PCDHGB1: variants seen among roughly 807,000 people sequenced by gnomAD.
PCDHGB1 encodes protocadherin gamma-B1.
PCDHGB1 carries 34 observed loss-of-function variants against 56.6 expected under a neutral mutation model. The ratio of observed to expected loss-of-function variants is 0.60; its 90% CI spans 0.46 to 0.80. PCDHGB1 has a LOEUF of 0.80. Ranked by LOEUF, PCDHGB1 falls within the 30% of genes least tolerant of loss-of-function variation. The probability of loss-of-function intolerance (pLI) is 0.00; values close to 1 mark genes in which losing one functional copy is unlikely to be tolerated. For synonymous variants in PCDHGB1, 561 were observed against 505.9 expected, an observed-to-expected ratio of 1.11 and a Z score of -1.46; for missense variants, 1,278 against 1,204.6, an observed-to-expected ratio of 1.06 and a Z score of -0.90.
intron 1 of PCDHGB1, chr5:141,366,694 C>T: frequency 1.2e-6 from 2 of 1,614,214 alleles, no homozygotes; most frequent in Non-Finnish European, 1.7e-6. Flanking sequence ...GTGAGAAAAG[C>T]GAGCCTCTTC....
chr5:141,400,099 T>G (rs574278907), intron 1 of PCDHGB1: 1 of 1,614,072 alleles, frequency 6.2e-7, no homozygotes, highest in African/African-American at 1.3e-5. Flanking sequence ...CACGCTGCAC[T>G]TGGTCTTTGC....
chr5:141,472,980 C>CAAAAAAAAAAAAAAAAAAAAAAA (rs60579131), intron 1 of PCDHGB1, among the ~76,000 whole-genome samples: 6 of 86,066 alleles, frequency 7.0e-5, no homozygotes, highest in Non-Finnish European at 1.0e-4. Context: ...GAGTGAAACT[C>CAAAAAAAAAAAAAAAAAAAAAAA]AAAAAAAAAA....
At chr5:141,449,531 G>A (rs1421489293) in intron 1 of PCDHGB1, among the ~76,000 whole-genome samples, 2 of 149,216 alleles carry the variant, frequency 1.3e-5, no homozygotes, top group Admixed American at 6.7e-5. Flanking sequence ...GGAGGTTGCA[G>A]TGAGCCGAGA....
intron 1 of PCDHGB1, among the ~76,000 whole-genome samples, chr5:141,397,572 C>T (rs374731219): frequency 1.8e-4 from 27 of 152,196 alleles, no homozygotes; most frequent in Middle Eastern, 3.4e-3. Context: ...AGAGCAAGAA[C>T]TGTATCATAT....
intron 1 of PCDHGB1, among the ~76,000 whole-genome samples, chr5:141,455,138 TTAAA>T (rs1193499111): frequency 1.3e-5 from 2 of 151,028 alleles, no homozygotes; most frequent in Admixed American, 1.3e-4. Context: ...TTACACTGTG[TTAAA>T]TAAATATTAG....
chr5:141,370,090 A>G (rs1766666321), intron 1 of PCDHGB1, among the ~76,000 whole-genome samples: 1 of 152,252 alleles, frequency 6.6e-6, no homozygotes, highest in South Asian at 2.1e-4. Context: ...CACTATCAGT[A>G]CACTGCCGAT....
At chr5:141,435,026 C>T (rs977017371) in intron 1 of PCDHGB1, among the ~76,000 whole-genome samples, 1 of 151,978 alleles carries the variant, frequency 6.6e-6, no homozygotes, top group Non-Finnish European at 1.5e-5. Flanking sequence ...GCTCTTTTCC[C>T]ACTTTTATTT....
At chr5:141,414,287 C>A (rs374229359) in intron 1 of PCDHGB1, 4 of 1,613,316 alleles carry the variant, frequency 2.5e-6, no homozygotes, top group Non-Finnish European at 3.4e-6. Flanking sequence ...ACAGTCGTAG[C>A]CCTTTTAAAT....
At chr5:141,394,278 TACTC>T in intron 1 of PCDHGB1, 1 of 1,613,924 alleles carries the variant, frequency 6.2e-7, no homozygotes, top group East Asian at 2.2e-5. Flanking sequence ...CCAGGTCACT[TACTC>T]TGTGACCGAG....
intron 1 of PCDHGB1, chr5:141,415,978 C>A: frequency 5.7e-6 from 2 of 353,430 alleles, no homozygotes; most frequent in Non-Finnish European, 9.4e-6. Flanking sequence ...CTTAAGCAAC[C>A]CTCTTGTTCT....
chr5:141,438,065 C>T (rs1385128405), intron 1 of PCDHGB1, among the ~76,000 whole-genome samples: 1 of 151,996 alleles, frequency 6.6e-6, no homozygotes, highest in Non-Finnish European at 1.5e-5. Flanking sequence ...TTTAAGAAAC[C>T]ATACTTAATG....
chr5:141,395,209 A>G, intron 1 of PCDHGB1: 1 of 1,613,372 alleles, frequency 6.2e-7, no homozygotes, highest in Non-Finnish European at 8.5e-7. Flanking sequence ...GATTTTCATG[A>G]ATATAAGAAT....
rs367926929 is a variant in PCDHGB1 at position 141,372,227 on chromosome 5, C to G, written c.2409+19558C>G. 4.8e-4 allele frequency: 778 copies of G among 1,613,442 alleles called. 3 individuals are homozygous for G. The African/African-American group carries it at 9.4e-3, about 19-fold the overall frequency. On this transcript the variant is annotated intron_variant, in intron 1 of 3. Coordinates refer to ENST00000523390, the MANE Select transcript of PCDHGB1 (RefSeq NM_018922.3). ...GGCTGTCCTACCACATTGTGCAGGC[C>G]AGCGAGCCCGGGCTGTTCAGCCTGG...
At chr5:141,415,438 C>A in intron 1 of PCDHGB1, 1 of 1,614,218 alleles carries the variant, frequency 6.2e-7, no homozygotes, top group South Asian at 1.1e-5. Flanking sequence ...GGCTTTCCTG[C>A]AGACCTATTC....
At chr5:141,415,479 A>G (rs750765604) in intron 1 of PCDHGB1, 19 of 1,613,988 alleles carry the variant, frequency 1.2e-5, no homozygotes, top group South Asian at 2.2e-5. Flanking sequence ...CGGACTCGCG[A>G]AAGAGTCACC....
At chr5:141,445,427 C>G (rs964779092) in intron 1 of PCDHGB1, among the ~76,000 whole-genome samples, 4 of 152,152 alleles carry the variant, frequency 2.6e-5, no homozygotes, top group African/African-American at 9.7e-5. Flanking sequence ...ATATGCAAGG[C>G]ACTGACCTAT....
At chr5:141,357,088 C>G (rs530114356) in intron 1 of PCDHGB1, 3 of 1,613,900 alleles carry the variant, frequency 1.9e-6, no homozygotes, top group Middle Eastern at 3.3e-4. Context: ...GCGCACCGCA[C>G]GGGCCCTGCT....
At chr5:141,474,893 T>C (rs1406276730) in intron 1 of PCDHGB1, among the ~76,000 whole-genome samples, 1 of 152,256 alleles carries the variant, frequency 6.6e-6, no homozygotes, top group East Asian at 1.9e-4. Flanking sequence ...TAGAGGTTCA[T>C]TTCTTGTTCA....
At chr5:141,405,251 C>T (rs1462013657) in intron 1 of PCDHGB1, 1 of 1,614,124 alleles carries the variant, frequency 6.2e-7, no homozygotes, top group Admixed American at 1.7e-5. Context: ...AAGGAAGAGT[C>T]ACCTGATCTT....
Sources: allele counts gnomAD v4.1 joint callset (sites outside exome capture counted in the v4.1 genomes callset), GRCh38; gene constraint gnomAD v4.1.1; transcripts MANE v1.5; gene names NCBI Gene and HGNC (gene_info 2026-07-23, HGNC 2026-07-21).